The following DAPK1 variants were observed in gnomAD, a reference collection of about 807,000 sequenced individuals.
The protein encoded by DAPK1 is death associated protein kinase 1, also known as death-associated protein kinase 1.
A neutral mutation model predicts 144.9 loss-of-function variants in DAPK1; 56 were observed. The ratio of observed to expected loss-of-function variants is 0.39; its 90% CI spans 0.31 to 0.48. The LOEUF (loss-of-function observed/expected upper bound fraction) is 0.48, where lower values mean the gene tolerates loss of function less well. DAPK1 is among the 20% of genes least tolerant of loss of function. The pLI, the probability that DAPK1 is intolerant of heterozygous loss-of-function variation, is 0.95. For missense variants in DAPK1, 1,454 were observed against 1,875.4 expected, an observed-to-expected ratio of 0.78 and a Z score of 4.15; for synonymous variants, 690 against 749.0, an observed-to-expected ratio of 0.92 and a Z score of 1.29.
At chr9:87,674,720 C>T (rs1490840635) in intron 19 of DAPK1, among the ~76,000 whole-genome samples, 1 of 152,144 alleles carries the variant, frequency 6.6e-6, no homozygotes, top group East Asian at 1.9e-4. Flanking sequence ...GCCACATGGG[C>T]AAGGCCACAT....
chr9:87,577,908 T>A (rs1827621466), intron 2 of DAPK1, among the ~76,000 whole-genome samples: 1 of 152,192 alleles, frequency 6.6e-6, no homozygotes, highest in Admixed American at 6.5e-5. Flanking sequence ...TCCCCTCCCC[T>A]CTTCCTAGGG....
intron 8 of DAPK1, 78 bp from the exon 9 acceptor site, chr9:87,640,724 G>A: frequency 2.0e-6 from 3 of 1,476,042 alleles, no homozygotes; most frequent in Non-Finnish European, 2.8e-6. Context: ...TGCTTGGCAG[G>A]CCCAGCCAGC....
intron 16 of DAPK1, 37 bp from the exon 17 acceptor site, chr9:87,651,490 G>C: frequency 6.2e-7 from 1 of 1,608,290 alleles, no homozygotes; most frequent in Non-Finnish European, 8.5e-7. Flanking sequence ...ACATGCCCAA[G>C]TGAAAAGCTC....
At chr9:87,549,798 A>C (rs895273535) in intron 2 of DAPK1, among the ~76,000 whole-genome samples, 2 of 152,278 alleles carry the variant, frequency 1.3e-5, no homozygotes. Context: ...TGTTATGAAA[A>C]ATTTCAAATA....
At chr9:87,662,559 A>ATTTTTTTT (rs1830886898) in intron 18 of DAPK1, among the ~76,000 whole-genome samples, 1 of 25,560 alleles carries the variant, frequency 3.9e-5, no homozygotes, top group Non-Finnish European at 1.0e-4. Context: ...ATATATTCCT[A>ATTTTTTTT]GTTTTTTTTT....
intron 4 of DAPK1, 35 bp from the exon 5 acceptor site, chr9:87,639,316 TATC>T (rs1830011393): frequency 1.3e-6 from 2 of 1,538,498 alleles, no homozygotes; most frequent in Admixed American, 4.1e-5. Flanking sequence ...CAGCATAACA[TATC>T]ATAGCTTTTT....
At chr9:87,588,699 G>A (rs1420945756) in intron 2 of DAPK1, among the ~76,000 whole-genome samples, 1 of 152,152 alleles carries the variant, frequency 6.6e-6, no homozygotes, top group Non-Finnish European at 1.5e-5. Context: ...GAAGTTGATG[G>A]AAATATGGAT....
chr9:87,646,485 G>A lies in DAPK1; in HGVS notation c.1156G>A (p.Ala386Thr), dbSNP rs1168552400. Residue 386 changes from alanine (A) to threonine (T), a missense_variant, in exon 13 of 26, where the codon GCT becomes ACT. Coordinates refer to ENST00000408954, the MANE Select transcript of DAPK1 (RefSeq NM_004938.4). ...GCACGGGACACCTCCATTACTCATT[G>A]CTGCTGGCTGTGGGAATATTCAAAT... ...NKHGTPPLLIAAGCGNIQILQ... is the reference protein window; with the variant it reads ...NKHGTPPLLITAGCGNIQILQ... The A allele has an allele frequency of 1.2e-6, 2 of 1,613,812 alleles. No individual in the cohort carries two copies. The highest frequency in any genetic ancestry group is 1.7e-6 in the Non-Finnish European group (2 of 1,179,862).
intron 17 of DAPK1, among the ~76,000 whole-genome samples, chr9:87,653,300 G>A (rs974671000): frequency 6.6e-6 from 1 of 152,238 alleles, no homozygotes; most frequent in Non-Finnish European, 1.5e-5. Context: ...ACCTGATCCT[G>A]GATTTTGGCC....
At position 87,571,480 on chromosome 9, in the gene DAPK1, CA is replaced by C. The variant is rs1564000919; in HGVS notation, c.63-33473del. Among the ~76,000 whole-genome samples, 83 of 61,060 alleles carry C rather than the reference CA, an allele frequency of 1.4e-3. 14 individuals are homozygous for C. Among genetic ancestry groups the C allele is most frequent in the Middle Eastern group, 0.014 (2 of 144 alleles). The allele number at this position is 61,060 out of a possible 152,430, so 40.1% of individuals were successfully genotyped here. A position where few individuals can be genotyped will look rare whatever the true frequency, so the allele number is the denominator to read the frequency against. ...ACACACACACACACACACACCAACA[CA>C]CACACACACACACCCCAACACACAC... is the stretch of plus-strand genomic sequence containing the variant. On this transcript the variant is annotated intron_variant, in intron 2 of 25. Coordinates refer to ENST00000408954, the MANE Select transcript of DAPK1 (RefSeq NM_004938.4).
At chr9:87,618,901 A>G (rs1181118737) in intron 3 of DAPK1, among the ~76,000 whole-genome samples, 1 of 152,194 alleles carries the variant, frequency 6.6e-6, no homozygotes, top group African/African-American at 2.4e-5. Context: ...AGTGAATTGT[A>G]TGGTGCGTGA....
chr9:87,659,395 C>CT (rs1830750518), intron 18 of DAPK1, among the ~76,000 whole-genome samples: 1 of 152,180 alleles, frequency 6.6e-6, no homozygotes, highest in Admixed American at 6.5e-5. Flanking sequence ...TTGTCAAGCC[C>CT]TGCCCAGCCA....
chr9:87,582,767 C>T (rs935630063), intron 2 of DAPK1, among the ~76,000 whole-genome samples: 5 of 151,962 alleles, frequency 3.3e-5, no homozygotes, highest in African/African-American at 1.2e-4. Flanking sequence ...CTTGGCCAGG[C>T]TGGTATTGAA....
chr9:87,507,834 T>G (rs934963102), intron 2 of DAPK1, among the ~76,000 whole-genome samples: 2 of 152,194 alleles, frequency 1.3e-5, no homozygotes, highest in South Asian at 4.1e-4. Flanking sequence ...GGGACACATT[T>G]TATTTTTCTG....
At chr9:87,638,219 A>G in intron 4 of DAPK1, 138 bp downstream of exon 4, 1 of 951,798 alleles carries the variant, frequency 1.1e-6, no homozygotes, top group Non-Finnish European at 1.5e-6. Flanking sequence ...ATATCACTAT[A>G]AATCGGCAAG....
chr9:87,670,457 CTAG>C (rs1831215020), intron 19 of DAPK1, among the ~76,000 whole-genome samples: 3 of 152,156 alleles, frequency 2.0e-5, no homozygotes, highest in Admixed American at 2.0e-4. Flanking sequence ...TTACGGTCCA[CTAG>C]TAGGAAGAAA....
chr9:87,593,504 C>A (rs36206204), intron 2 of DAPK1, among the ~76,000 whole-genome samples: 7,119 of 152,242 alleles, frequency 0.047, 564 homozygotes, highest in African/African-American at 0.16. Context: ...GAGTATCTCA[C>A]AATTCGTATT....
intron 2 of DAPK1, among the ~76,000 whole-genome samples, chr9:87,547,132 G>C (rs1314842239): frequency 6.6e-6 from 1 of 152,172 alleles, no homozygotes; most frequent in Non-Finnish European, 1.5e-5. Context: ...ACCCCAGCCT[G>C]GGTGACAGAG....
At chr9:87,661,648 C>T (rs375273003) in intron 18 of DAPK1, among the ~76,000 whole-genome samples, 1 of 152,100 alleles carries the variant, frequency 6.6e-6, no homozygotes, top group South Asian at 2.1e-4. Flanking sequence ...ATGTCCTTAG[C>T]CCACTTTTAA....
Sources: allele counts gnomAD v4.1 joint callset (sites outside exome capture counted in the v4.1 genomes callset), GRCh38; gene constraint gnomAD v4.1.1; transcripts MANE v1.5; gene names NCBI Gene and HGNC (gene_info 2026-07-23, HGNC 2026-07-21).